Variants in LSG1 observed in about 807,000 individuals in gnomAD.
The protein encoded by LSG1 is large 60S subunit nuclear export GTPase 1.
LSG1 carries 55 observed loss-of-function variants against 82.6 expected under a neutral mutation model. The observed-to-expected ratio is 0.67, with a 90% CI of 0.54 to 0.83. The LOEUF (loss-of-function observed/expected upper bound fraction) is 0.83. Among genes scored for constraint, LSG1 ranks in the 40% least tolerant of loss-of-function variants. The pLI, the probability that LSG1 is intolerant of heterozygous loss-of-function variation, is 0.00. For missense variants in LSG1, 809 were observed against 807.9 expected (o/e 1.00, Z -0.02); for synonymous variants, 272 against 282.5 (o/e 0.96, Z 0.37).
At chr3:194,664,826 G>A (rs924129926) in intron 5 of LSG1, among the ~76,000 whole-genome samples, 1 of 152,064 alleles carries the variant, frequency 6.6e-6, no homozygotes, top group Non-Finnish European at 1.5e-5. Context: ...AGGCTGAGGC[G>A]GGAGCACTGC....
chr3:194,660,730 G>A (rs2083014326), intron 5 of LSG1: 1 of 331,622 alleles, frequency 3.0e-6, no homozygotes, highest in African/African-American at 2.2e-5. Flanking sequence ...GAGAAAACAG[G>A]AAAGTATTAA....
chr3:194,655,722 G>A (rs1363729237), intron 7 of LSG1, among the ~76,000 whole-genome samples: 1 of 152,040 alleles, frequency 6.6e-6, no homozygotes, highest in Admixed American at 6.5e-5. Context: ...AACAAAGCTG[G>A]AGGCATCACG....
At chr3:194,655,353 A>T (rs2108618262) in intron 7 of LSG1, among the ~76,000 whole-genome samples, 1 of 152,284 alleles carries the variant, frequency 6.6e-6, no homozygotes, top group Middle Eastern at 3.4e-3. Flanking sequence ...AATCTCTTCC[A>T]TTTTTGATAG....
At chr3:194,646,362 T>C (rs564767657) in intron 11 of LSG1, 119 bp from the exon 12 acceptor site, 4 of 697,816 alleles carry the variant, frequency 5.7e-6, no homozygotes, top group East Asian at 5.3e-5. Flanking sequence ...AAAAATTAGG[T>C]ATCATTGTAG....
chr3:194,658,865 T>G (rs2108619492), intron 7 of LSG1, 92 bp downstream of exon 7: 1 of 1,266,368 alleles, frequency 7.9e-7, no homozygotes, highest in Non-Finnish European at 1.1e-6. Flanking sequence ...CCACAGATTT[T>G]CCATAAGAAT....
intron 2 of LSG1, among the ~76,000 whole-genome samples, chr3:194,667,795 T>C (rs543676542): frequency 1.3e-4 from 20 of 150,776 alleles, no homozygotes; most frequent in African/African-American, 4.9e-4. Flanking sequence ...TGGTGGTGCA[T>C]GCCTGTAATC....
chr3:194,670,347 T>C (rs1388530862), intron 1 of LSG1, among the ~76,000 whole-genome samples: 1 of 152,204 alleles, frequency 6.6e-6, no homozygotes, highest in Non-Finnish European at 1.5e-5. Context: ...TCAAAATCTT[T>C]TGAGGTGAAT....
chr3:194,664,000 T>A (rs1718982804), intron 5 of LSG1, among the ~76,000 whole-genome samples: 1 of 152,062 alleles, frequency 6.6e-6, no homozygotes, highest in African/African-American at 2.4e-5. Context: ...GGAGACAGAG[T>A]CTTGCTCTGT....
rs373170652 is a variant in LSG1 at position 194,648,804 on chromosome 3, C to G, written c.1420G>C (p.Val474Leu). 10 of 1,613,776 alleles carry G rather than the reference C, an allele frequency of 6.2e-6. No homozygotes were observed. The highest frequency in any genetic ancestry group is 8.5e-6 in the Non-Finnish European group (10 of 1,179,904). ...MRDHVPPVSL[V>L]CQNIPRHVLE... ...ACATGTCTTGGAATATTCTGGCAAA[C>G]GTAGCTTGTCAGGGAATCCATTCTC... Residue 474 changes from valine to leucine, a missense_variant and splice_region_variant, in exon 11 of 14, where the codon GTT (valine) becomes CTT (leucine). Physicochemically the swap from Val to Leu is conservative, Grantham distance 32 (BLOSUM62 1). Coordinates refer to ENST00000265245, the MANE Select transcript of LSG1 (RefSeq NM_018385.3).
At chr3:194,647,753 T>C (rs7610307) in intron 11 of LSG1, among the ~76,000 whole-genome samples, 15,001 of 152,200 alleles carry the variant, frequency 0.099, 1,580 homozygotes, top group African/African-American at 0.26. Context: ...ACCCAGGCTA[T>C]TCCACTGACC....
chr3:194,659,903 A>G (rs527775535), intron 6 of LSG1, among the ~76,000 whole-genome samples, 170 bp downstream of exon 6: 34 of 152,364 alleles, frequency 2.2e-4, no homozygotes, highest in African/African-American at 7.0e-4. Context: ...TTGAGAAAAC[A>G]TCTGTCTCAA....
rs1301768519 is a variant in LSG1, at chr3:194,653,288, G to A, written c.760-146C>T. The stretch of plus-strand genomic sequence containing the variant: ...CCAGCACTTTGGGAGGCCAAGGTGC[G>A]CAGATCATTTGAGGTCAGGAGTTTG... On this transcript the variant is annotated intron_variant, in intron 7 of 13. Coordinates refer to ENST00000265245, the MANE Select transcript of LSG1 (RefSeq NM_018385.3). 1.4e-5 allele frequency: 10 copies of A among 705,640 alleles called. No individual in the cohort carries two copies. The African/African-American group carries it at 1.4e-4, about 10-fold the overall frequency. 43.7% of individuals were successfully genotyped at this position (705,640 alleles called of 1,614,324 possible).
In LSG1 at chr3:194,672,179, G is replaced by A; in HGVS notation, c.-17C>T. 1 of 1,575,148 alleles carries A rather than the reference G, an allele frequency of 6.3e-7. No individual in the cohort carries two copies. Among genetic ancestry groups the A allele is most frequent in the Non-Finnish European group, 8.6e-7 (1 of 1,158,242 alleles). On this transcript the variant is annotated 5_prime_UTR_variant, in exon 1 of 14. Coordinates refer to ENST00000265245, the MANE Select transcript of LSG1 (RefSeq NM_018385.3). ...CCGGCCCATGGCAACACGACCGCTGGACGAAGCTTCCCGGCTCGGCGCGTG... is the reference window on the plus strand; with the variant it reads ...CCGGCCCATGGCAACACGACCGCTGAACGAAGCTTCCCGGCTCGGCGCGTG...
At position 194,666,431 on chromosome 3, in the gene LSG1, C is replaced by T. The variant is rs770636055; in HGVS notation, c.347+21G>A. ...GCAGCCTCGGATGTTTTGTGGCATT[C>T]TAAATTCTTCTTCAGCTCACCTCCT... On this transcript the variant is annotated intron_variant, in intron 3 of 13. Transcript: ENST00000265245. 7.5e-6 allele frequency: 12 copies of T among 1,609,692 alleles called. No individual in the cohort carries two copies. The South Asian group carries it at 1.3e-4, about 18-fold the overall frequency.
chr3:194,658,273 G>A (rs1469776927), intron 7 of LSG1, among the ~76,000 whole-genome samples: 2 of 151,938 alleles, frequency 1.3e-5, no homozygotes, highest in South Asian at 2.1e-4. Flanking sequence ...TCAGCCTCCC[G>A]AGTAGCTGGG....
At chr3:194,656,712 A>G (rs1440124153) in intron 7 of LSG1, among the ~76,000 whole-genome samples, 51 of 152,132 alleles carry the variant, frequency 3.4e-4, no homozygotes, top group African/African-American at 1.1e-3. Flanking sequence ...TGTTTATTGC[A>G]GCACTATTCA....
intron 5 of LSG1, among the ~76,000 whole-genome samples, chr3:194,661,709 A>T (rs1169004815): frequency 1.3e-5 from 2 of 152,242 alleles, no homozygotes; most frequent in East Asian, 3.8e-4. Context: ...AATATTTCCC[A>T]TTCAAAGATG....
Position 194,646,161 on chromosome 3 carries a change from T to TA in LSG1, c.1623+2dup. On this transcript the variant is annotated splice_region_variant and intron_variant, in intron 12 of 13. Coordinates refer to ENST00000265245, the MANE Select transcript of LSG1 (RefSeq NM_018385.3). ...GAGAGCATGAGAGGCAGGGTTCACTTACACTGACATAGTCCTTCAGGATGT... is the reference window on the plus strand; with the variant it reads ...GAGAGCATGAGAGGCAGGGTTCACTTAACACTGACATAGTCCTTCAGGATGT... 6.2e-7 allele frequency: 1 copy of TA among 1,613,744 alleles called. No individual in the cohort carries two copies. Among genetic ancestry groups the TA allele is most frequent in the Non-Finnish European group, 8.5e-7 (1 of 1,179,666 alleles).
At chr3:194,642,391 C>A in intron 13 of LSG1, 144 bp from the exon 14 acceptor site, 1 of 573,324 alleles carries the variant, frequency 1.7e-6, no homozygotes, top group Non-Finnish European at 2.9e-6. Flanking sequence ...CACTGGTCCT[C>A]TTTCTCCCCC....
Sources: gnomAD v4.1 joint callset for allele counts (sites outside exome capture counted in the v4.1 genomes callset) on GRCh38, gnomAD v4.1.1 for gene constraint, MANE v1.5 for transcripts, NCBI Gene and HGNC (gene_info 2026-07-23, HGNC 2026-07-21) for gene names.